The following SMYD3 variants were observed in gnomAD, a reference collection of about 807,000 sequenced individuals.
SMYD3 encodes histone-lysine N-methyltransferase SMYD3.
In SMYD3, 36 loss-of-function variants were observed where a neutral mutation model predicts 57.7. The ratio of observed to expected loss-of-function variants is 0.62; its 90% confidence interval spans 0.48 to 0.82. The LOEUF is 0.82. SMYD3 is among the 40% of genes least tolerant of loss of function. The probability of loss-of-function intolerance (pLI) is 0.00; values close to 1 mark genes in which losing one functional copy is unlikely to be tolerated. For synonymous variants in SMYD3, 211 were observed against 195.0 expected, an observed-to-expected ratio of 1.08 and a Z score of -0.68; for missense variants, 515 against 538.8, an observed-to-expected ratio of 0.96 and a Z score of 0.44.
chr1:246,135,083 T>C lies in SMYD3; in HGVS notation c.531+192118A>G, dbSNP rs560280778. 2.0e-5 allele frequency among the ~76,000 whole-genome samples: 3 copies of C among 152,222 alleles called. No individual in the cohort carries two copies. The South Asian group carries it at 6.2e-4, about 32-fold the overall frequency. Reference sequence around the variant, plus strand: ...ATATTACAGTTCAGGAAAATCACATTATTTAAAACTATAACATGCTCATAA... The same window carrying C: ...ATATTACAGTTCAGGAAAATCACATCATTTAAAACTATAACATGCTCATAA... On this transcript the variant is annotated intron_variant, in intron 5 of 11. Transcript: ENST00000490107.
chr1:246,431,366 C>T (rs2067294705), intron 1 of SMYD3, among the ~76,000 whole-genome samples: 1 of 152,164 alleles, frequency 6.6e-6, no homozygotes, highest in African/African-American at 2.4e-5. Context: ...CCAGCAAATA[C>T]ACAGCTCAGC....
intron 7 of SMYD3, among the ~76,000 whole-genome samples, chr1:245,918,030 G>A (rs2055575277): frequency 6.6e-6 from 1 of 152,164 alleles, no homozygotes; most frequent in Non-Finnish European, 1.5e-5. Context: ...AGGGGTGATG[G>A]TGGATGGCTG....
chr1:245,916,332 C>G (rs1343156470), intron 7 of SMYD3, among the ~76,000 whole-genome samples: 1 of 152,172 alleles, frequency 6.6e-6, no homozygotes, highest in East Asian at 1.9e-4. Context: ...TCCTCGGACA[C>G]TCTCTAACAC....
At chr1:246,221,356 G>A (rs769038202) in intron 5 of SMYD3, among the ~76,000 whole-genome samples, 7 of 152,122 alleles carry the variant, frequency 4.6e-5, no homozygotes, top group Admixed American at 2.0e-4. Context: ...ATTCTTCCTG[G>A]TCACAGGACA....
At chr1:246,378,660 C>T (rs901564242) in intron 1 of SMYD3, among the ~76,000 whole-genome samples, 1 of 126,486 alleles carries the variant, frequency 7.9e-6, no homozygotes, top group African/African-American at 3.1e-5. Flanking sequence ...TATATACACA[C>T]ACACATATAT....
At chr1:245,969,547 C>T (rs557979332) in intron 5 of SMYD3, among the ~76,000 whole-genome samples, 9 of 152,268 alleles carry the variant, frequency 5.9e-5, no homozygotes, top group East Asian at 3.9e-4. Context: ...GAAACATACC[C>T]GTTCATTTAC....
intron 5 of SMYD3, among the ~76,000 whole-genome samples, chr1:246,159,981 T>G (rs183311058): frequency 6.3e-4 from 96 of 152,284 alleles, no homozygotes; most frequent in African/African-American, 2.2e-3. Context: ...TTACCTTTAT[T>G]TTACAAATAA....
At chr1:245,755,957 T>C (rs1250604071) in intron 11 of SMYD3, among the ~76,000 whole-genome samples, 1 of 149,272 alleles carries the variant, frequency 6.7e-6, no homozygotes, top group African/African-American at 2.4e-5. Flanking sequence ...CATTTAATTT[T>C]TTGTTTTCTG....
In SMYD3 at chr1:246,134,805, C is replaced by T. The variant is rs113488424; in HGVS notation, c.531+192396G>A. 4.6e-5 allele frequency among the ~76,000 whole-genome samples: 5 copies of T among 108,434 alleles called. No individual in the cohort carries two copies. The South Asian group carries it at 1.0e-3, about 22-fold the overall frequency. The allele number at this position is 108,434 out of a possible 152,430, so 71.1% of individuals were successfully genotyped here. ...TGATTGACCACATTTTCTTCCCCCCCCTGCCGCTTTTAATGACTCATTTTT... is the reference window on the plus strand; with the variant it reads ...TGATTGACCACATTTTCTTCCCCCCTCTGCCGCTTTTAATGACTCATTTTT... On this transcript the variant is annotated intron_variant, in intron 5 of 11. Transcript: ENST00000490107.
chr1:245,950,419 T>C (rs1394005050), intron 5 of SMYD3, among the ~76,000 whole-genome samples: 1 of 152,144 alleles, frequency 6.6e-6, no homozygotes. Context: ...GGACTGAGTA[T>C]TTTTTTCTGT....
Position 246,142,187 on chromosome 1 carries a change from T to G in SMYD3, c.531+185014A>C, listed in dbSNP as rs111464168. ...ACAGATAGTACTGTACCCTCTATACTCTATGCTTTTTCTTATACATACATA... is the reference window on the plus strand; with the variant it reads ...ACAGATAGTACTGTACCCTCTATACGCTATGCTTTTTCTTATACATACATA... On this transcript the variant is annotated intron_variant, in intron 5 of 11. Transcript: ENST00000490107. Among the ~76,000 whole-genome samples, 84 of 152,278 alleles carry G rather than the reference T, an allele frequency of 5.5e-4. 1 individual carries two copies. Among genetic ancestry groups the G allele is most frequent in the African/African-American group, 2.0e-3 (82 of 41,568 alleles).
chr1:245,839,610 T>C (rs2050296074), intron 10 of SMYD3, among the ~76,000 whole-genome samples: 2 of 151,368 alleles, frequency 1.3e-5, no homozygotes, highest in African/African-American at 4.9e-5. Context: ...TGTTCCGAAA[T>C]TGATTGTGAT....
At chr1:246,093,072 C>T (rs1380337774) in intron 5 of SMYD3, among the ~76,000 whole-genome samples, 1 of 152,048 alleles carries the variant, frequency 6.6e-6, no homozygotes, top group Non-Finnish European at 1.5e-5. Flanking sequence ...TATCATCTCA[C>T]CCCAGTTAAA....
intron 5 of SMYD3, among the ~76,000 whole-genome samples, chr1:246,108,422 C>T (rs36004866): frequency 0.16 from 24,775 of 152,152 alleles, 3,607 homozygotes; most frequent in African/African-American, 0.39. Context: ...CACCCTCACA[C>T]AATTAATGTT....
intron 8 of SMYD3, among the ~76,000 whole-genome samples, chr1:245,896,396 A>AAAAAC (rs1426528670): frequency 6.6e-6 from 1 of 151,016 alleles, no homozygotes; most frequent in African/African-American, 2.4e-5. Context: ...AGTCAAAAAA[A>AAAAAC]AAAAAAAAAA....
chr1:246,420,523 T>A (rs929546482), intron 1 of SMYD3, among the ~76,000 whole-genome samples: 1 of 152,204 alleles, frequency 6.6e-6, no homozygotes, highest in Non-Finnish European at 1.5e-5. Flanking sequence ...GGAGAGAATA[T>A]GTGAAGAACA....
chr1:246,117,011 T>C (rs934939597), intron 5 of SMYD3, among the ~76,000 whole-genome samples: 3 of 152,198 alleles, frequency 2.0e-5, no homozygotes, highest in Non-Finnish European at 4.4e-5. Context: ...ATTATAAATA[T>C]TAGAATGAAC....
At chr1:245,773,755 T>C (rs2046429877) in intron 10 of SMYD3, among the ~76,000 whole-genome samples, 1 of 152,212 alleles carries the variant, frequency 6.6e-6, no homozygotes, top group Admixed American at 6.5e-5. Flanking sequence ...ATAATTTAGT[T>C]TAATACATCC....
At chr1:245,907,070 C>T (rs1420999190) in intron 8 of SMYD3, among the ~76,000 whole-genome samples, 3 of 152,072 alleles carry the variant, frequency 2.0e-5, no homozygotes, top group Non-Finnish European at 4.4e-5. Flanking sequence ...GGCTGCAAAT[C>T]GTACGTGGTT....
Sources: gnomAD v4.1 joint callset for allele counts (sites outside exome capture counted in the v4.1 genomes callset) on GRCh38, gnomAD v4.1.1 for gene constraint, MANE v1.5 for transcripts, NCBI Gene and HGNC (gene_info 2026-07-23, HGNC 2026-07-21) for gene names.